Variants in NPAS3 observed in about 807,000 individuals in gnomAD.
NPAS3 encodes neuronal PAS domain protein 3, also known as neuronal PAS domain-containing protein 3.
In NPAS3, 14 loss-of-function variants were observed where a neutral mutation model predicts 73.1. That is an observed-to-expected ratio of 0.19 (90% CI 0.13 to 0.30). The LOEUF is 0.30. Among genes scored for constraint, NPAS3 ranks in the 10% least tolerant of loss-of-function variants. The pLI, the probability that NPAS3 is intolerant of heterozygous loss-of-function variation, is 1.00. For synonymous variants in NPAS3, 620 were observed against 541.5 expected (o/e 1.14, Z -2.01); for missense variants, 1,096 against 1,250.0 (o/e 0.88, Z 1.86).
chr14:33,063,640 A>G (rs1276881181), intron 2 of NPAS3, among the ~76,000 whole-genome samples: 3 of 152,204 alleles, frequency 2.0e-5, no homozygotes, highest in African/African-American at 7.2e-5. Context: ...TTCCTGCTAT[A>G]AGAGCATAGT....
At chr14:33,027,611 C>T (rs1342833191) in intron 1 of NPAS3, among the ~76,000 whole-genome samples, 3 of 152,122 alleles carry the variant, frequency 2.0e-5, no homozygotes, top group Admixed American at 6.6e-5. Flanking sequence ...TATGAATGCT[C>T]ATTGACGAGA....
chr14:33,285,463 A>T (rs1488933684), intron 3 of NPAS3, among the ~76,000 whole-genome samples: 1 of 152,148 alleles, frequency 6.6e-6, no homozygotes, highest in Non-Finnish European at 1.5e-5. Flanking sequence ...AAACTCAATG[A>T]CCCATCTCTG....
chr14:33,318,872 A>G (rs1308438038), intron 3 of NPAS3, among the ~76,000 whole-genome samples: 1 of 152,140 alleles, frequency 6.6e-6, no homozygotes, highest in Non-Finnish European at 1.5e-5. Context: ...AACGTAAATA[A>G]CTACTCCTTA....
chr14:33,296,531 G>A (rs2042305775), intron 3 of NPAS3, among the ~76,000 whole-genome samples: 1 of 152,174 alleles, frequency 6.6e-6, no homozygotes, highest in African/African-American at 2.4e-5. Context: ...CTTAGATAAT[G>A]TAGTCCTAAC....
At chr14:33,716,868 A>T (rs2060971710) in intron 6 of NPAS3, among the ~76,000 whole-genome samples, 1 of 152,156 alleles carries the variant, frequency 6.6e-6, no homozygotes, top group African/African-American at 2.4e-5. Context: ...GCTGCCATCA[A>T]CTGTGTAGCA....
chr14:33,517,995 A>G (rs1449255336), intron 4 of NPAS3, among the ~76,000 whole-genome samples: 2 of 152,130 alleles, frequency 1.3e-5, no homozygotes, highest in Non-Finnish European at 2.9e-5. Flanking sequence ...GCTTCCGAAC[A>G]TCCACCACGT....
chr14:33,594,527 C>A (rs527775122), intron 5 of NPAS3, among the ~76,000 whole-genome samples: 1 of 152,172 alleles, frequency 6.6e-6, no homozygotes, highest in Non-Finnish European at 1.5e-5. Flanking sequence ...CAACTTTCTG[C>A]GTCTCCCTTC....
intron 4 of NPAS3, among the ~76,000 whole-genome samples, chr14:33,420,324 G>A (rs1166867049): frequency 2.0e-5 from 3 of 151,920 alleles, no homozygotes; most frequent in African/African-American, 7.2e-5. Context: ...CTCAAGTGAT[G>A]CTATTTTTTT....
intron 2 of NPAS3, among the ~76,000 whole-genome samples, chr14:33,173,382 AG>A (rs982031926): frequency 6.6e-6 from 1 of 152,182 alleles, no homozygotes; most frequent in African/African-American, 2.4e-5. Context: ...TAAAGCCAAA[AG>A]GAGCTGGAAA....
intron 1 of NPAS3, among the ~76,000 whole-genome samples, chr14:33,002,977 G>A (rs1255287862): frequency 2.0e-5 from 3 of 152,042 alleles, no homozygotes; most frequent in African/African-American, 4.8e-5. Flanking sequence ...CATCTTCATG[G>A]GGCAGATCAT....
chr14:33,177,312 G>A (rs1176642662), intron 2 of NPAS3, among the ~76,000 whole-genome samples: 1 of 151,812 alleles, frequency 6.6e-6, no homozygotes, highest in Non-Finnish European at 1.5e-5. Flanking sequence ...TGGCCAGGAT[G>A]GTCTTGATCT....
At chr14:33,793,700 C>T (rs2063430590) in intron 9 of NPAS3, among the ~76,000 whole-genome samples, 197 bp from the exon 10 acceptor site, 1 of 152,200 alleles carries the variant, frequency 6.6e-6, no homozygotes, top group Non-Finnish European at 1.5e-5. Flanking sequence ...GTAACCCTGG[C>T]TCCAGAGCTG....
At chr14:33,481,773 A>G (rs74243526) in intron 4 of NPAS3, among the ~76,000 whole-genome samples, 2 of 152,156 alleles carry the variant, frequency 1.3e-5, no homozygotes, top group East Asian at 3.9e-4. Flanking sequence ...TGTTTCAGTT[A>G]TAAAAAAATC....
At chr14:32,942,784 A>G (rs1026796843) in intron 1 of NPAS3, among the ~76,000 whole-genome samples, 1 of 152,228 alleles carries the variant, frequency 6.6e-6, no homozygotes, top group African/African-American at 2.4e-5. Flanking sequence ...ACACTTGCTT[A>G]TATATATAAA....
chr14:33,787,637 T>C (rs1190765817), intron 9 of NPAS3, among the ~76,000 whole-genome samples: 1 of 150,888 alleles, frequency 6.6e-6, no homozygotes, highest in Non-Finnish European at 1.5e-5. Flanking sequence ...AATTTCTGGA[T>C]GCCTGCTATT....
intron 4 of NPAS3, among the ~76,000 whole-genome samples, chr14:33,406,601 G>A (rs547439066): frequency 6.6e-6 from 1 of 152,194 alleles, no homozygotes; most frequent in East Asian, 1.9e-4. Flanking sequence ...TTACCAAAAA[G>A]CATAAGCCAA....
intron 2 of NPAS3, among the ~76,000 whole-genome samples, chr14:33,201,300 G>GGTGTGTGTGTGTGTGTATGTGT (rs1555354737): frequency 1.3e-5 from 2 of 150,922 alleles, no homozygotes; most frequent in Admixed American, 1.3e-4. Flanking sequence ...CCCTAACAAT[G>GGTGTGTGTGTGTGTGTATGTGT]GTGTGTGTGT....
chr14:33,463,829 A>C (rs924652574), intron 4 of NPAS3, among the ~76,000 whole-genome samples: 1 of 152,196 alleles, frequency 6.6e-6, no homozygotes, highest in Non-Finnish European at 1.5e-5. Context: ...CGCCACAGTG[A>C]TGTGAGGTGA....
chr14:33,200,432 TTTC>T (rs1187586347), intron 2 of NPAS3, among the ~76,000 whole-genome samples: 1 of 152,112 alleles, frequency 6.6e-6, no homozygotes, highest in East Asian at 1.9e-4. Context: ...CTAAGTTCAG[TTTC>T]TTCATTTTCC....
Sources: gnomAD v4.1 joint callset for allele counts (sites outside exome capture counted in the v4.1 genomes callset) on GRCh38, gnomAD v4.1.1 for gene constraint, MANE v1.5 for transcripts, NCBI Gene and HGNC (gene_info 2026-07-23, HGNC 2026-07-21) for gene names.